Variants in UMODL1 observed in about 807,000 individuals in gnomAD.
The protein encoded by UMODL1 is uromodulin like 1.
In UMODL1, 128 loss-of-function variants were observed where a neutral mutation model predicts 136.3. That is an observed-to-expected ratio of 0.94 (90% CI 0.81 to 1.09). The LOEUF is 1.09. Ranked by LOEUF, UMODL1 falls within the 50% of genes least tolerant of loss-of-function variation. The pLI, the probability that UMODL1 is intolerant of heterozygous loss-of-function variation, is 0.00. For missense variants in UMODL1, 1,766 were observed against 1,725.6 expected, an observed-to-expected ratio of 1.02 and a Z score of -0.41; for synonymous variants, 721 against 720.0, an observed-to-expected ratio of 1.00 and a Z score of -0.02.
chr21:42,113,268 C>A, intron 12 of UMODL1: 1 of 255,508 alleles, frequency 3.9e-6, no homozygotes, highest in Non-Finnish European at 7.5e-6. Flanking sequence ...CACCAAGAAC[C>A]TGCTCAAGAG....
chr21:42,111,079 C>CGGGTATGACAGGAACAACACA lies in UMODL1; in HGVS notation c.1860_1880dup (p.Tyr621_Gly627dup), dbSNP rs778205941. ...CCAGAAGAGGGGGCAGCAATGTGGT[C>CGGGTATGACAGGAACAACACA]GGGTATGACAGGAACAACACAGGAA... is the stretch of plus-strand genomic sequence containing the variant. On this transcript the variant is annotated inframe_insertion, in exon 11 of 23. Transcript: ENST00000408910. The CGGGTATGACAGGAACAACACA allele has an allele frequency of 1.9e-6, 3 of 1,613,106 alleles. No homozygotes were observed. In the Admixed American group the frequency reaches 5.0e-5, roughly 27 times the overall value.
rs2066978964 is a variant in UMODL1 at position 42,122,003 on chromosome 21, C to T, written c.2827+779C>T. On this transcript the variant is annotated intron_variant, in intron 16 of 22. Transcript: ENST00000408910. This position sits in a 1 kb window ranked among gnomAD's most constrained non-coding sequence, Gnocchi z 4.3. ...GAGATGGGTGGCAGAGAGCGAGAAG[C>T]AGGCTGCCCAGGGAGGCGGGTGAGG... Among the ~76,000 whole-genome samples the T allele has an allele frequency of 6.6e-6, 1 of 152,144 alleles. No individual in the cohort carries two copies. Among genetic ancestry groups the T allele is most frequent in the Non-Finnish European group, 1.5e-5 (1 of 68,030 alleles).
chr21:42,116,654 T>C (rs79965011), intron 14 of UMODL1, among the ~76,000 whole-genome samples: 2,842 of 152,156 alleles, frequency 0.019, 55 homozygotes, highest in African/African-American at 0.044. Context: ...GAGATTTATT[T>C]CACAGACCAT....
rs779384774 is a variant in UMODL1 at position 42,122,929 on chromosome 21, C to T, written c.2926C>T (p.Pro976Ser). 9 of 1,613,944 alleles carry T rather than the reference C, an allele frequency of 5.6e-6. No individual in the cohort carries two copies. Among genetic ancestry groups the T allele is most frequent in the Non-Finnish European group, 7.6e-6 (9 of 1,180,038 alleles). The change falls in exon 17 of 23, where the codon CCC becomes TCC. Residue 976 changes from proline (P) to serine (S), a missense_variant. Pro to Ser is a moderately conservative substitution (Grantham distance 74). Coordinates refer to ENST00000408910, the MANE Select transcript of UMODL1 (RefSeq NM_001004416.3). The surrounding 1 kb of genome is among the most constrained non-coding windows in gnomAD (Gnocchi z 4.3). ...CTTTGTGCAAGGCACCAGCCCCACCCCCCAAGGCCTGCCCCAGCGGCTGAA... is the reference window on the plus strand; with the variant it reads ...CTTTGTGCAAGGCACCAGCCCCACCTCCCAAGGCCTGCCCCAGCGGCTGAA... ...AAFVQGTSPT[P>S]QGLPQRLNLT...
At chr21:42,117,176 T>G (rs2066911895) in intron 14 of UMODL1, among the ~76,000 whole-genome samples, 1 of 152,362 alleles carries the variant, frequency 6.6e-6, no homozygotes, top group Middle Eastern at 3.4e-3. Flanking sequence ...ATTGTGGACA[T>G]TTCACAGAAA....
At chr21:42,069,157 G>A (rs528219203), upstream of UMODL1, among the ~76,000 whole-genome samples, 2 of 150,796 alleles carry the variant, frequency 1.3e-5, no homozygotes, top group Non-Finnish European at 2.9e-5. Context: ...AATCCCTCCG[G>A]CCATCATGCA....
At chr21:42,141,633 T>C (rs771388756) in intron 22 of UMODL1, among the ~76,000 whole-genome samples, 11 of 151,978 alleles carry the variant, frequency 7.2e-5, no homozygotes, top group Non-Finnish European at 1.5e-4. Flanking sequence ...GGGGCTCCTG[T>C]CTTTCGAAGT....
Position 42,113,684 on chromosome 21 carries a change from C to T in UMODL1, c.2216C>T (p.Ser739Phe). ...TCCACCTTCCAGCTCACTCTGACTT[C>T]CATGTGGAGCCCTGCTGTGGTCCTA... is the stretch of plus-strand genomic sequence containing the variant. ...MDSTFQLTLT[S>F]MWSPAVVLET... The change falls in exon 13 of 23, where the codon TCC becomes TTC. Residue 739 changes from serine to phenylalanine, a missense_variant. Transcript: ENST00000408910. 6.2e-7 allele frequency: 1 copy of T among 1,614,112 alleles called. No homozygotes were observed. The highest frequency in any genetic ancestry group is 8.5e-7 in the Non-Finnish European group (1 of 1,180,034).
At chr21:42,070,214 C>T (rs969725175), upstream of UMODL1, among the ~76,000 whole-genome samples, 8 of 152,180 alleles carry the variant, frequency 5.3e-5, no homozygotes, top group African/African-American at 1.9e-4. Context: ...ATTATGCTCC[C>T]GAACCATGCA....
At chr21:42,129,180 GATC>G (rs2067101417) in intron 20 of UMODL1, among the ~76,000 whole-genome samples, 1 of 152,126 alleles carries the variant, frequency 6.6e-6, no homozygotes, top group South Asian at 2.1e-4. Flanking sequence ...TCAGCTTGAT[GATC>G]TGTTTCCAAG....
chr21:42,120,990 G>A, intron 15 of UMODL1, 97 bp from the exon 16 acceptor site: 6 of 1,470,304 alleles, frequency 4.1e-6, no homozygotes, highest in Non-Finnish European at 5.5e-6. Context: ...GGAGTTTCCA[G>A]CTTTGTCTGT....
intron 1 of UMODL1, among the ~76,000 whole-genome samples, chr21:42,064,854 C>G (rs2066170861): frequency 6.6e-6 from 1 of 152,162 alleles, no homozygotes; most frequent in African/African-American, 2.4e-5. Context: ...ACATGCCCGG[C>G]CCACAAATTT....
chr21:42,075,642 C>T (rs528635030), intron 1 of UMODL1, among the ~76,000 whole-genome samples: 1 of 152,318 alleles, frequency 6.6e-6, no homozygotes, highest in South Asian at 2.1e-4. Context: ...AACAAAGGGA[C>T]GTGATCTCTA....
At chr21:42,088,771 C>T (rs1462395802) in intron 5 of UMODL1, among the ~76,000 whole-genome samples, 1 of 152,028 alleles carries the variant, frequency 6.6e-6, no homozygotes, top group East Asian at 1.9e-4. Context: ...CCTCTGGCCT[C>T]CTGCCCCCTC....
chr21:42,088,616 C>A, intron 5 of UMODL1, 136 bp downstream of exon 5: 1 of 936,810 alleles, frequency 1.1e-6, no homozygotes, highest in Non-Finnish European at 1.6e-6. Flanking sequence ...AAAAGAATAA[C>A]TGGTTCAAGT....
At chr21:42,077,230 G>C (rs986095202) in intron 2 of UMODL1, among the ~76,000 whole-genome samples, 16 of 152,164 alleles carry the variant, frequency 1.1e-4, no homozygotes, top group Middle Eastern at 3.4e-3. Flanking sequence ...CCAGAGTGCA[G>C]AAGCCACCAG....
intron 6 of UMODL1, chr21:42,093,765 C>T (rs887721602): frequency 3.2e-5 from 13 of 400,410 alleles, no homozygotes; most frequent in Non-Finnish European, 5.1e-5. Flanking sequence ...GGATCAATCA[C>T]GGAAAGAGAG....
chr21:42,132,990 G>A (rs912827647), intron 21 of UMODL1, among the ~76,000 whole-genome samples: 1 of 152,230 alleles, frequency 6.6e-6, no homozygotes, highest in Non-Finnish European at 1.5e-5. Context: ...CAGGAAGCAC[G>A]GAATGTAATA....
chr21:42,091,570 C>T (rs532505498), intron 6 of UMODL1, among the ~76,000 whole-genome samples: 50 of 152,236 alleles, frequency 3.3e-4, no homozygotes, highest in African/African-American at 1.1e-3. Flanking sequence ...AAAGGGATTC[C>T]GGCAACATTT....
Sources: gnomAD v4.1 joint callset for allele counts (sites outside exome capture counted in the v4.1 genomes callset) on GRCh38, gnomAD v4.1.1 for gene constraint, Gnocchi (gnomAD v3.1) non-coding constraint, MANE v1.5 for transcripts, NCBI Gene and HGNC (gene_info 2026-07-23, HGNC 2026-07-21) for gene names.